PML: variants seen among roughly 807,000 people sequenced by gnomAD.
The protein encoded by PML is PML nuclear body scaffold.
In PML, 28 loss-of-function variants were observed where a neutral mutation model predicts 65.2. The observed-to-expected ratio is 0.43, with a 90% CI of 0.32 to 0.59. The LOEUF (loss-of-function observed/expected upper bound fraction) is 0.59. Among genes scored for constraint, PML ranks in the 20% least tolerant of loss-of-function variants. The pLI is 0.08. For missense variants in PML, 1,021 were observed against 1,203.4 expected, an observed-to-expected ratio of 0.85 and a Z score of 2.24; for synonymous variants, 500 against 508.8, an observed-to-expected ratio of 0.98 and a Z score of 0.23.
rs2071721457 is a variant in PML at position 74,042,731 on chromosome 15, C to G, written c.1711-258C>G. ...CATTCCCACACATGCACGTTCACAA[C>G]CTGTGTGTGTCACCCTTCCTCCCCT... On this transcript the variant is annotated intron_variant, in intron 7 of 8. Transcript: ENST00000268058. The surrounding 1 kb of genome is among the most constrained non-coding windows in gnomAD (Gnocchi z 5.3). The G allele has an allele frequency of 1.0e-6, 1 of 985,410 alleles. No individual in the cohort carries two copies. Among genetic ancestry groups the G allele is most frequent in the Non-Finnish European group, 1.2e-6 (1 of 829,928 alleles). 61.0% of individuals were successfully genotyped at this position (985,410 alleles called of 1,614,324 possible).
At position 74,044,510 on chromosome 15, in the gene PML, T is replaced by C. The variant is rs1240857420; in HGVS notation, c.2151T>C (p.Arg717=). Residue 717 remains arginine (R), a synonymous_variant, in exon 9 of 9, where the codon CGT becomes CGC. Coordinates refer to ENST00000268058, the MANE Select transcript of PML (RefSeq NM_033238.3). Reference sequence around the variant, plus strand: ...CTGCCCTGCCTCTCATCCGGGAGCGTGTGCCCGGGGCCAGCAGCTTCAAAC... The same window carrying C: ...CTGCCCTGCCTCTCATCCGGGAGCGCGTGCCCGGGGCCAGCAGCTTCAAAC... ...FLAALPLIRE[R]VPGASSFKLK... is the part of the protein sequence containing the mutation. The C allele has an allele frequency of 6.2e-7, 1 of 1,614,068 alleles. No individual in the cohort carries two copies. Among genetic ancestry groups the C allele is most frequent in the South Asian group, 1.1e-5 (1 of 91,084 alleles).
At chr15:74,018,497 T>C (rs2070696050) in intron 2 of PML, among the ~76,000 whole-genome samples, 1 of 152,160 alleles carries the variant, frequency 6.6e-6, no homozygotes, top group African/African-American at 2.4e-5. Flanking sequence ...AGGTATTTTG[T>C]ACCTTCTTTT....
At chr15:74,022,722 C>A in intron 2 of PML, 106 bp from the exon 3 acceptor site, 1 of 913,610 alleles carries the variant, frequency 1.1e-6, no homozygotes, top group Non-Finnish European at 1.7e-6. Flanking sequence ...TAGAAACATG[C>A]CATGATTCAA....
chr15:74,035,131 G>A lies in PML; in HGVS notation c.1710+601G>A. ...AAAGGTTGGACTGGGTGGCCCCTGA[G>A]GTCTCTTCCAGCCCTCAGTCTGAGG... is the stretch of plus-strand genomic sequence containing the variant. On this transcript the variant is annotated intron_variant, in intron 7 of 8. Transcript: ENST00000268058. This position sits in a 1 kb window ranked among gnomAD's most constrained non-coding sequence, Gnocchi z 4.1. 3 of 1,145,202 alleles carry A rather than the reference G, an allele frequency of 2.6e-6. No homozygotes were observed. Among genetic ancestry groups the A allele is most frequent in the Non-Finnish European group, 4.0e-6 (3 of 754,898 alleles). 70.9% of individuals were successfully genotyped at this position (1,145,202 alleles called of 1,614,324 possible).
rs2071397064 is a variant in PML, at chr15:74,033,165, A to G, written c.1408A>G (p.Asn470Asp). 2.5e-6 allele frequency: 4 copies of G among 1,614,110 alleles called. No homozygotes were observed. The highest frequency in any genetic ancestry group is 3.4e-6 in the Non-Finnish European group (4 of 1,179,978). ...GACTCCCTCTATGCAGGATGTCTCC[A>G]ATACAACGACAGCCCAGAAGAGGAA... The part of the protein sequence containing the change: ...KGPSYGEDVS[N>D]TTTAQKRKCS... Residue 470 changes from asparagine to aspartate, a missense_variant, in exon 6 of 9, where the codon AAT becomes GAT. Physicochemically the swap from Asn to Asp is conservative, Grantham distance 23. Transcript: ENST00000268058.
At chr15:74,010,215 T>TTTTTTTA (rs2070265128) in intron 2 of PML, among the ~76,000 whole-genome samples, 1 of 113,570 alleles carries the variant, frequency 8.8e-6, no homozygotes, top group African/African-American at 3.3e-5. Context: ...TTTTTTTTTG[T>TTTTTTTA]AGAGATGGGC....
At position 74,044,842 on chromosome 15, in the gene PML, G is replaced by A; in HGVS notation, c.2483G>A (p.Ser828Asn). ...GGLKKYSRYL[S>N]LQTTTLPPAQ... ...CTGAAGAAGTACAGCCGCTATCTAA[G>A]CCTGCAGACCACCACGTTGCCCCCT... Residue 828 changes from serine (S) to asparagine (N), a missense_variant, in exon 9 of 9, where the codon AGC (serine) becomes AAC (asparagine). Transcript: ENST00000268058. 6.2e-7 allele frequency: 1 copy of A among 1,613,424 alleles called. No homozygotes were observed. The highest frequency in any genetic ancestry group is 8.5e-7 in the Non-Finnish European group (1 of 1,180,026).
intron 6 of PML, 82 bp from the exon 7 acceptor site, chr15:74,034,396 G>C: frequency 1.9e-6 from 3 of 1,599,726 alleles, no homozygotes; most frequent in Non-Finnish European, 2.6e-6. Context: ...TGGCCTGCAA[G>C]GATTCCCATA....
At position 74,045,647 on chromosome 15, in the gene PML, T is replaced by C. The variant is rs965843982; in HGVS notation, c.*639T>C. The C allele has an allele frequency of 6.6e-4, 155 of 233,776 alleles. No individual in the cohort carries two copies. The highest frequency in any genetic ancestry group is 1.3e-4 in the Non-Finnish European group (15 of 118,528). The allele number at this position is 233,776 out of a possible 1,614,324, so 14.5% of individuals were successfully genotyped here. On this transcript the variant is annotated 3_prime_UTR_variant, in exon 9 of 9. Coordinates refer to ENST00000268058, the MANE Select transcript of PML (RefSeq NM_033238.3). ...AAAGCCTGACCTTCCAAAGCTTGCT[T>C]CCTTCCTCCTGGCTGCACAGACACC...
chr15:74,024,342 G>C (rs2070979239), intron 3 of PML, among the ~76,000 whole-genome samples: 1 of 152,152 alleles, frequency 6.6e-6, no homozygotes, highest in Admixed American at 6.5e-5. Flanking sequence ...TCTCCACCTA[G>C]GTAGTGAATG....
chr15:74,034,729 C>G, intron 7 of PML, 199 bp downstream of exon 7: 1 of 1,502,782 alleles, frequency 6.7e-7, no homozygotes, highest in Non-Finnish European at 8.9e-7. Flanking sequence ...TCCCACTACA[C>G]CAGGGCCAGG....
chr15:74,021,509 C>T (rs1169838325), intron 2 of PML, among the ~76,000 whole-genome samples: 2 of 151,886 alleles, frequency 1.3e-5, no homozygotes, highest in East Asian at 1.9e-4. Flanking sequence ...TGCTTGAACC[C>T]GGGAGGCAGA....
In PML at chr15:73,998,887, G is replaced by T. The variant is rs1048038866; in HGVS notation, c.602+411G>T. On this transcript the variant is annotated intron_variant, in intron 2 of 8. Coordinates refer to ENST00000268058, the MANE Select transcript of PML (RefSeq NM_033238.3). ...GAATCTCAGTAAGGCTGGATTCTAGGATCAGAGACAAGTAGTTAGTTTCTG... is the reference window on the plus strand; with the variant it reads ...GAATCTCAGTAAGGCTGGATTCTAGTATCAGAGACAAGTAGTTAGTTTCTG... Among the ~76,000 whole-genome samples the T allele has an allele frequency of 4.6e-5, 7 of 152,136 alleles. No homozygotes were observed. In the East Asian group the frequency reaches 9.6e-4, roughly 21 times the overall value.
chr15:74,027,235 C>G (rs11072470), intron 4 of PML: 151,126 of 152,328 alleles, frequency 0.99, 74,973 homozygotes, highest in Middle Eastern at 1. Flanking sequence ...TGCTACAATG[C>G]ATGATGTTTG....
rs561108241 is a variant in PML, at chr15:73,998,147, C to T, written c.273C>T (p.Cys91=). Residue 91 remains cysteine (C), a synonymous_variant, in exon 2 of 9, where the codon TGC becomes TGT. Transcript: ENST00000268058. ...LEASGMQCPI[C]QAPWPLGADT... ...CGTCGGGCATGCAGTGCCCCATCTGCCAGGCGCCCTGGCCCCTAGGTGCAG... is the reference window on the plus strand; with the variant it reads ...CGTCGGGCATGCAGTGCCCCATCTGTCAGGCGCCCTGGCCCCTAGGTGCAG... 1 of 1,614,192 alleles carries T rather than the reference C, an allele frequency of 6.2e-7. No individual in the cohort carries two copies. The highest frequency in any genetic ancestry group is 1.7e-5 in the Admixed American group (1 of 60,030).
chr15:74,044,157 C>A, intron 8 of PML, 64 bp from the exon 9 acceptor site: 3 of 1,556,652 alleles, frequency 1.9e-6, no homozygotes, highest in Non-Finnish European at 2.7e-6. Context: ...TAGAGGACCC[C>A]CTGCTCCCAC....
At chr15:74,034,696 G>T (rs1465532112) in intron 7 of PML, 166 bp downstream of exon 7, 3 of 1,541,930 alleles carry the variant, frequency 1.9e-6, no homozygotes, top group Non-Finnish European at 2.6e-6. Flanking sequence ...AATGACAGCT[G>T]CATGCCTGGA....
At chr15:74,006,732 C>T (rs2070075369) in intron 2 of PML, among the ~76,000 whole-genome samples, 1 of 152,142 alleles carries the variant, frequency 6.6e-6, no homozygotes, top group East Asian at 1.9e-4. Context: ...GCTGTACAAT[C>T]ATGGCACCAG....
intron 7 of PML, chr15:74,036,164 T>C (rs904412138): frequency 6.2e-7 from 1 of 1,603,740 alleles, no homozygotes; most frequent in Non-Finnish European, 8.5e-7. Context: ...AAGGCATGGC[T>C]GAGATTCAAG....
Sources: gnomAD v4.1 joint callset for allele counts (sites outside exome capture counted in the v4.1 genomes callset) on GRCh38, gnomAD v4.1.1 for gene constraint, Gnocchi (gnomAD v3.1) non-coding constraint, MANE v1.5 for transcripts, NCBI Gene and HGNC (gene_info 2026-07-23, HGNC 2026-07-21) for gene names.